The following LAMA4 variants were observed in gnomAD, a reference collection of about 807,000 sequenced individuals.
The protein encoded by LAMA4 is laminin subunit alpha 4.
A neutral mutation model predicts 207.1 loss-of-function variants in LAMA4; 127 were observed. That is an observed-to-expected ratio of 0.61 (90% CI 0.53 to 0.71). LAMA4 has a LOEUF of 0.71. Among genes scored for constraint, LAMA4 ranks in the 30% least tolerant of loss-of-function variants. The pLI is 0.00. For synonymous variants in LAMA4, 761 were observed against 816.0 expected, an observed-to-expected ratio of 0.93 and a Z score of 1.15; for missense variants, 2,093 against 2,246.5, an observed-to-expected ratio of 0.93 and a Z score of 1.38.
chr6:112,212,802 T>C (rs1365380990), intron 3 of LAMA4, among the ~76,000 whole-genome samples: 2 of 152,202 alleles, frequency 1.3e-5, no homozygotes, highest in African/African-American at 4.8e-5. Context: ...CTATAATCAG[T>C]TTCTTCCTGT....
intron 2 of LAMA4, among the ~76,000 whole-genome samples, chr6:112,232,316 G>T (rs1361665337): frequency 6.6e-6 from 1 of 152,156 alleles, no homozygotes; most frequent in African/African-American, 2.4e-5. Flanking sequence ...TTTAACTACA[G>T]TATCACAAAC....
At chr6:112,151,124 AG>A (rs35470720) in intron 16 of LAMA4, among the ~76,000 whole-genome samples, 43,267 of 152,082 alleles carry the variant, frequency 0.28, 6,987 homozygotes, top group Admixed American at 0.37. Context: ...CCGGCATCCA[AG>A]TCAAGAAAAT....
intron 16 of LAMA4, among the ~76,000 whole-genome samples, chr6:112,153,028 G>A (rs1554336067): frequency 1.3e-5 from 2 of 152,014 alleles, no homozygotes; most frequent in Non-Finnish European, 2.9e-5. Flanking sequence ...AAGAAGAAAT[G>A]TTTCATAAGA....
chr6:112,241,161 G>GAATATATATATTCATATATATT (rs1786447499), intron 2 of LAMA4, among the ~76,000 whole-genome samples: 3 of 52,182 alleles, frequency 5.7e-5, no homozygotes, highest in Admixed American at 1.7e-4. Flanking sequence ...ATATATATAT[G>GAATATATATATTCATATATATT]AATATATATG....
chr6:112,215,269 AC>A (rs1554358254), intron 3 of LAMA4, among the ~76,000 whole-genome samples: 2 of 152,208 alleles, frequency 1.3e-5, no homozygotes, highest in Non-Finnish European at 1.5e-5. Context: ...CTAAATAAAC[AC>A]TACAAAGAGA....
chr6:112,222,415 G>A (rs782154050), intron 2 of LAMA4, among the ~76,000 whole-genome samples: 42 of 152,164 alleles, frequency 2.8e-4, no homozygotes, highest in Non-Finnish European at 4.9e-4. Flanking sequence ...ACTTGGCCTA[G>A]AGAGTTACCT....
chr6:112,117,676 CCT>C lies in LAMA4; in HGVS notation c.4981+61_4981+62del, dbSNP rs112573071. ...AGTTTTAACTCTGGGCCTGATATTC[CCT>C]GTTAGCCATCTCCAGGAAGAAGCAT... is the stretch of plus-strand genomic sequence containing the variant. On this transcript the variant is annotated intron_variant, in intron 35 of 38. Coordinates refer to ENST00000230538, the MANE Select transcript of LAMA4 (RefSeq NM_001105206.3). The surrounding 1 kb of genome is among the most constrained non-coding windows in gnomAD (Gnocchi z 4.5). The C allele has an allele frequency of 2.5e-4, 378 of 1,506,636 alleles. 1 individual carries two copies. In the African/African-American group the frequency reaches 4.6e-3, roughly 18 times the overall value. 93.3% of individuals were successfully genotyped at this position (1,506,636 alleles called of 1,614,324 possible).
chr6:112,135,854 A>G, intron 25 of LAMA4: 1 of 396,010 alleles, frequency 2.5e-6, no homozygotes, highest in South Asian at 2.2e-5. Flanking sequence ...GATATTTAAG[A>G]TTAATAGAAG....
intron 2 of LAMA4, among the ~76,000 whole-genome samples, chr6:112,245,791 A>T (rs1026366414): frequency 5.9e-5 from 9 of 152,208 alleles, no homozygotes; most frequent in Non-Finnish European, 1.2e-4. Context: ...AGCCTCCACC[A>T]AAACACAACA....
intron 23 of LAMA4, among the ~76,000 whole-genome samples, 189 bp downstream of exon 23, chr6:112,139,563 A>C (rs549907872): frequency 6.6e-6 from 1 of 152,348 alleles, no homozygotes; most frequent in Non-Finnish European, 1.5e-5. Context: ...GTTGTTTAAC[A>C]CTTCATACTT....
At chr6:112,207,457 G>C (rs1784124109) in intron 3 of LAMA4, among the ~76,000 whole-genome samples, 1 of 151,962 alleles carries the variant, frequency 6.6e-6, no homozygotes, top group Admixed American at 6.5e-5. Flanking sequence ...TAATCAGAAT[G>C]ATCAAACCCT....
intron 25 of LAMA4, among the ~76,000 whole-genome samples, chr6:112,134,976 AC>A (rs2114668845): frequency 6.6e-6 from 1 of 152,220 alleles, no homozygotes; most frequent in Non-Finnish European, 1.5e-5. Context: ...AGTCTAGTTG[AC>A]ATACAAAGAA....
In LAMA4 at chr6:112,254,453, G is replaced by C; in HGVS notation, c.-142+6C>G. The C allele has an allele frequency of 2.2e-6, 1 of 463,362 alleles. No homozygotes were observed. The highest frequency in any genetic ancestry group is 4.0e-6 in the Non-Finnish European group (1 of 250,716). The allele number at this position is 463,362 out of a possible 1,614,324, so 28.7% of individuals were successfully genotyped here. A position where few individuals can be genotyped will look rare whatever the true frequency, so the allele number is the denominator to read the frequency against. ...GCTCAAGAACCTACAGATGGACGGA[G>C]CTTACAGTACGGCATCAAAAGGCAG... On this transcript the variant is annotated splice_donor_region_variant and intron_variant, in intron 1 of 38. Coordinates refer to ENST00000230538, the MANE Select transcript of LAMA4 (RefSeq NM_001105206.3).
rs1785779975 is a variant in LAMA4, at chr6:112,234,700, G to T, written c.196-18231C>A. 3 of 152,056 alleles carry T rather than the reference G, an allele frequency of 2.0e-5. No homozygotes were observed. In the South Asian group the frequency reaches 6.2e-4, roughly 32 times the overall value. The allele number at this position is 152,056 out of a possible 1,614,324, so 9.4% of individuals were successfully genotyped here. A position where few individuals can be genotyped will look rare whatever the true frequency, so the allele number is the denominator to read the frequency against. ...ACGTAGCTTTCAACATAACTGAATGGAAGAGAAGACAAAAAATGTGCTAAG... is the reference window on the plus strand; with the variant it reads ...ACGTAGCTTTCAACATAACTGAATGTAAGAGAAGACAAAAAATGTGCTAAG... On this transcript the variant is annotated intron_variant, in intron 2 of 38. Coordinates refer to ENST00000230538, the MANE Select transcript of LAMA4 (RefSeq NM_001105206.3).
chr6:112,220,117 A>G (rs1302368700), intron 2 of LAMA4, among the ~76,000 whole-genome samples: 1 of 152,206 alleles, frequency 6.6e-6, no homozygotes, highest in Non-Finnish European at 1.5e-5. Flanking sequence ...TTAAAAATAC[A>G]TAGTTATTAA....
intron 2 of LAMA4, among the ~76,000 whole-genome samples, chr6:112,249,067 A>G (rs1396320946): frequency 4.6e-5 from 7 of 152,200 alleles, no homozygotes; most frequent in African/African-American, 1.7e-4. Context: ...AAGGGAAGTT[A>G]TCTCAACTTT....
At chr6:112,159,126 AAAAACT>A (rs79415946) in intron 13 of LAMA4, 1 of 478,990 alleles carries the variant, frequency 2.1e-6, no homozygotes, top group Admixed American at 3.6e-5. Context: ...TTTCAGACCT[AAAAACT>A]AAAACTAAAC....
rs1779914406 is a variant in LAMA4, at chr6:112,144,731, G to A, written c.2493+63C>T. The A allele has an allele frequency of 3.4e-5, 54 of 1,581,928 alleles. No individual in the cohort carries two copies. The South Asian group carries it at 5.9e-4, about 17-fold the overall frequency. ...CCAGGCTCTGGAAGCTGCCCAAGCA[G>A]TTGGAGCTCAGCTTCGTGTTATTAT... On this transcript the variant is annotated intron_variant, in intron 19 of 38. Coordinates refer to ENST00000230538, the MANE Select transcript of LAMA4 (RefSeq NM_001105206.3).
At chr6:112,120,157 A>C (rs1778263304) in intron 33 of LAMA4, 126 bp downstream of exon 33, 1 of 767,012 alleles carries the variant, frequency 1.3e-6, no homozygotes, top group East Asian at 2.6e-5. Flanking sequence ...TTTGAAATTG[A>C]ATTCTGAGTG....
Sources: allele counts gnomAD v4.1 joint callset (sites outside exome capture counted in the v4.1 genomes callset), GRCh38; gene constraint gnomAD v4.1.1; non-coding constraint Gnocchi (gnomAD v3.1); transcripts MANE v1.5; gene names NCBI Gene and HGNC (gene_info 2026-07-23, HGNC 2026-07-21).